Variants in SHPRH observed in about 807,000 individuals in gnomAD.
SHPRH encodes SNF2 histone linker PHD RING helicase, also known as E3 ubiquitin-protein ligase SHPRH.
Under a neutral mutation model 202.5 loss-of-function variants are expected in SHPRH, and 106 were observed. The observed-to-expected ratio is 0.52, with a 90% CI of 0.45 to 0.62. The LOEUF is 0.62. Among genes scored for constraint, SHPRH ranks in the 20% least tolerant of loss-of-function variants. The pLI is 0.00. For missense variants in SHPRH, 1,710 were observed against 2,020.0 expected (o/e 0.85, Z 2.94); for synonymous variants, 729 against 686.0 (o/e 1.06, Z -0.98).
rs377624524 is a variant in SHPRH, at chr6:145,955,116, A to G, written c.207T>C (p.Asp69=). 6.2e-6 allele frequency: 10 copies of G among 1,613,634 alleles called. No individual in the cohort carries two copies. The African/African-American group carries it at 8.0e-5, about 13-fold the overall frequency. ...TCACCACTTTTGAACACCTCTTCTT[A>G]TCTCTGTGAGCCACTTCTTCCTTTA... The part of the protein sequence containing the change: ...DSLKEEVAHR[D]KKRCSKVVSF... The change falls in exon 2 of 30, where the codon GAT becomes GAC. Residue 69 remains aspartate (D), a synonymous_variant. Coordinates refer to ENST00000275233, the MANE Select transcript of SHPRH (RefSeq NM_001042683.3).
At chr6:145,902,211 A>G (rs977452639) in intron 25 of SHPRH, among the ~76,000 whole-genome samples, 3 of 152,066 alleles carry the variant, frequency 2.0e-5, no homozygotes, top group African/African-American at 4.8e-5. Flanking sequence ...AAGAGTAGAG[A>G]CCCACTAGCA....
At chr6:145,931,998 T>G (rs1000084039) in intron 14 of SHPRH, among the ~76,000 whole-genome samples, 2 of 152,108 alleles carry the variant, frequency 1.3e-5, no homozygotes, top group South Asian at 4.1e-4. Flanking sequence ...TTCTTCGTTT[T>G]TCATGTTGGA....
Position 145,948,330 on chromosome 6 carries a change from A to C in SHPRH, c.1003T>G (p.Trp335Gly). ...PATESALHFL[W>G]REIVTSEGLK... ...CCCTCAGATGTAACAATCTCTCGCC[A>C]TAAGAAGTGCAGGGCACTTTCTAAA... The change falls in exon 5 of 30, where the codon TGG (tryptophan) becomes GGG (glycine). Residue 335 changes from tryptophan to glycine, a missense_variant. Physicochemically the swap from Trp to Gly is radical, Grantham distance 184. Transcript: ENST00000275233. 1 of 1,605,472 alleles carries C rather than the reference A, an allele frequency of 6.2e-7. No homozygotes were observed. The highest frequency in any genetic ancestry group is 8.5e-7 in the Non-Finnish European group (1 of 1,175,522).
rs768324712 is a variant in SHPRH, at chr6:145,919,418, C to T, written c.4082G>A (p.Arg1361Gln). The change falls in exon 22 of 30, where the codon CGA becomes CAA. Residue 1361 changes from arginine (R) to glutamine (Q), a missense_variant. By Grantham distance (43) the Arg-to-Gln change is conservative (BLOSUM62 1). Transcript: ENST00000275233. ...AVDELAMATE[R>Q]LRVRDPREPK... Reference sequence around the variant, plus strand: ...CTCCCTAGGATCACGCACTCTTAGTCGTTCTGTAGCCATTGCAAGTTCATC... The same window carrying T: ...CTCCCTAGGATCACGCACTCTTAGTTGTTCTGTAGCCATTGCAAGTTCATC... 5 of 1,613,006 alleles carry T rather than the reference C, an allele frequency of 3.1e-6. No homozygotes were observed. The highest frequency in any genetic ancestry group is 4.2e-6 in the Non-Finnish European group (5 of 1,179,420).
intron 25 of SHPRH, among the ~76,000 whole-genome samples, chr6:145,898,323 T>TA (rs1297919892): frequency 6.6e-6 from 1 of 152,144 alleles, no homozygotes; most frequent in Non-Finnish European, 1.5e-5. Flanking sequence ...GAAACATTAA[T>TA]AAAAAAATTA....
intron 25 of SHPRH, chr6:145,904,703 G>T (rs1286955667): frequency 1.3e-5 from 2 of 152,026 alleles, no homozygotes; most frequent in East Asian, 1.9e-4. Flanking sequence ...GTCGAGGAGG[G>T]ATAAAATTTG....
intron 4 of SHPRH, among the ~76,000 whole-genome samples, chr6:145,948,752 G>A (rs1018124944): frequency 6.6e-6 from 1 of 151,962 alleles, no homozygotes; most frequent in African/African-American, 2.4e-5. Flanking sequence ...CATATGCTAG[G>A]TGGCTAAATA....
intron 14 of SHPRH, among the ~76,000 whole-genome samples, chr6:145,931,501 T>C (rs913177541): frequency 6.6e-6 from 1 of 152,020 alleles, no homozygotes; most frequent in East Asian, 1.9e-4. Context: ...TACAGGCGCA[T>C]GCCACCACAC....
At chr6:145,874,558 C>A (rs116020629) in intron 2 of SHPRH, among the ~76,000 whole-genome samples, 4 of 152,092 alleles carry the variant, frequency 2.6e-5, no homozygotes, top group African/African-American at 9.7e-5. Context: ...TATACATATA[C>A]ATTCTGAAAT....
chr6:145,936,746 G>GA (rs1460959285), intron 11 of SHPRH, among the ~76,000 whole-genome samples: 19 of 152,194 alleles, frequency 1.2e-4, no homozygotes, highest in African/African-American at 3.9e-4. Context: ...CACTTATTCT[G>GA]AAGATGATCA....
the SHPRH span, among the ~76,000 whole-genome samples, chr6:145,859,125 TG>T: frequency 6.6e-6 from 1 of 152,066 alleles, no homozygotes; most frequent in Admixed American, 6.6e-5. Flanking sequence ...GGGAGATCTT[TG>T]TATGTACATG....
intron 22 of SHPRH, chr6:145,918,857 TAA>T (rs1784176228): frequency 6.5e-6 from 1 of 153,550 alleles, no homozygotes; most frequent in South Asian, 2.0e-4. Flanking sequence ...TAATGGAGAA[TAA>T]AAGAGATTGG....
chr6:145,860,840 C>A (rs922780081), downstream of SHPRH, among the ~76,000 whole-genome samples: 3 of 151,970 alleles, frequency 2.0e-5, no homozygotes, highest in Admixed American at 6.6e-5. Flanking sequence ...CAGAAATAAA[C>A]CCACACATAT....
At chr6:145,953,132 G>T (rs1023923657) in intron 2 of SHPRH, among the ~76,000 whole-genome samples, 7 of 152,002 alleles carry the variant, frequency 4.6e-5, no homozygotes, top group Admixed American at 6.6e-5. Flanking sequence ...GTTTCTAATG[G>T]TAGACACTCA....
chr6:145,919,050 A>G (rs967632798), intron 22 of SHPRH: 1 of 217,460 alleles, frequency 4.6e-6, no homozygotes. Context: ...GTGACTGAGA[A>G]TATCTATTGG....
At position 145,955,209 on chromosome 6, in the gene SHPRH, AT is replaced by A; in HGVS notation, c.113del (p.Asp38ValfsTer20). The part of the protein sequence containing the change: ...DRRNEPIIIS[D>X]DDEQPCPGSD... ...AACCTGGGCAGGGCTGCTCGTCATC[AT>A]CACTTATGATGATAGGTTCATTCCT... On this transcript the variant is annotated frameshift_variant, in exon 2 of 30. Transcript: ENST00000275233. LOFTEE classifies it high-confidence loss of function. 6.2e-6 allele frequency: 10 copies of A among 1,613,778 alleles called. No individual in the cohort carries two copies. Among genetic ancestry groups the A allele is most frequent in the Non-Finnish European group, 7.6e-6 (9 of 1,179,960 alleles).
chr6:145,897,393 TAA>T lies in SHPRH; in HGVS notation c.4516-2418_4516-2417del, dbSNP rs1363865000. 3.9e-5 allele frequency among the ~76,000 whole-genome samples: 6 copies of T among 152,150 alleles called. No individual in the cohort carries two copies. The South Asian group carries it at 6.2e-4, about 16-fold the overall frequency. On this transcript the variant is annotated intron_variant, in intron 25 of 29. Coordinates refer to ENST00000275233, the MANE Select transcript of SHPRH (RefSeq NM_001042683.3). ...TGTAGTAACAAGATTGAGTCAGTAA[TAA>T]AAAGTCTCCCCTCAAAGAAAAGCAT...
intron 18 of SHPRH, 141 bp downstream of exon 18, chr6:145,923,502 A>G: frequency 1.8e-6 from 2 of 1,085,100 alleles, no homozygotes; most frequent in Non-Finnish European, 1.3e-6. Context: ...AAGGCTGCAA[A>G]AAAGAAGTAT....
At position 145,940,840 on chromosome 6, in the gene SHPRH, A is replaced by G. The variant is rs1786693679; in HGVS notation, c.2491-39T>C. 3.1e-6 allele frequency: 5 copies of G among 1,603,540 alleles called. No individual in the cohort carries two copies. In the East Asian group the frequency reaches 8.9e-5, roughly 29 times the overall value. On this transcript the variant is annotated intron_variant, in intron 10 of 29. Coordinates refer to ENST00000275233, the MANE Select transcript of SHPRH (RefSeq NM_001042683.3). ...AAAATGAAATAAAAATGAAATCCAGAAAACCACAGAAAGAACACAGAAGTC... is the reference window on the plus strand; with the variant it reads ...AAAATGAAATAAAAATGAAATCCAGGAAACCACAGAAAGAACACAGAAGTC...
Sources: gnomAD v4.1 joint callset for allele counts (sites outside exome capture counted in the v4.1 genomes callset) on GRCh38, gnomAD v4.1.1 for gene constraint, MANE v1.5 for transcripts, NCBI Gene and HGNC (gene_info 2026-07-23, HGNC 2026-07-21) for gene names.